The following DENND2A variants were observed in gnomAD, a reference collection of about 807,000 sequenced individuals.
The protein encoded by DENND2A is DENN domain-containing protein 2A.
In DENND2A, 53 loss-of-function variants were observed where a neutral mutation model predicts 105.3. That is an observed-to-expected ratio of 0.50 (90% CI 0.40 to 0.63). The LOEUF (loss-of-function observed/expected upper bound fraction) is 0.63, where lower values mean the gene tolerates loss of function less well. Among genes scored for constraint, DENND2A ranks in the 30% least tolerant of loss-of-function variants. The probability of loss-of-function intolerance (pLI) is 0.00; values close to 1 mark genes in which losing one functional copy is unlikely to be tolerated. For synonymous variants in DENND2A, 522 were observed against 508.4 expected, an observed-to-expected ratio of 1.03 and a Z score of -0.36; for missense variants, 1,138 against 1,279.6, an observed-to-expected ratio of 0.89 and a Z score of 1.69.
chr7:140,606,048 T>G (rs1259011470), intron 1 of DENND2A, among the ~76,000 whole-genome samples: 1 of 152,174 alleles, frequency 6.6e-6, no homozygotes, highest in Non-Finnish European at 1.5e-5. Context: ...TTTTGTTCAT[T>G]TGTTTTTTTT....
At position 140,606,676 on chromosome 7, in the gene DENND2A, T is replaced by A. The variant is rs541635645; in HGVS notation, c.-247-870A>T. ...AAACTGAGGAGGAAGAAACAGCCAG[T>A]CACGAGGTCATCTGTCTGGTCTAAG... On this transcript the variant is annotated intron_variant, in intron 1 of 19. Transcript: ENST00000496613. Among the ~76,000 whole-genome samples, 4 of 152,212 alleles carry A rather than the reference T, an allele frequency of 2.6e-5. No individual in the cohort carries two copies. The South Asian group carries it at 8.3e-4, about 32-fold the overall frequency.
chr7:140,529,848 C>T (rs945478676), intron 14 of DENND2A, among the ~76,000 whole-genome samples: 8 of 151,924 alleles, frequency 5.3e-5, no homozygotes, highest in African/African-American at 1.7e-4. Flanking sequence ...ATGTAAATGA[C>T]GAGTTAATGG....
In DENND2A at chr7:140,546,788, TG is replaced by T; in HGVS notation, c.2178+10del. On this transcript the variant is annotated intron_variant, in intron 13 of 19. Coordinates refer to ENST00000496613, the MANE Select transcript of DENND2A (RefSeq NM_015689.5). ...CCTCCCCAGGGAGAAGGAAGGAGTC[TG>T]ACAACTCACCTCAGTTCCTGAACCT... 1 of 1,613,798 alleles carries T rather than the reference TG, an allele frequency of 6.2e-7. No homozygotes were observed. Among genetic ancestry groups the T allele is most frequent in the Non-Finnish European group, 8.5e-7 (1 of 1,179,846 alleles).
intron 3 of DENND2A, among the ~76,000 whole-genome samples, chr7:140,596,814 T>C (rs1342548649): frequency 6.6e-6 from 1 of 152,216 alleles, no homozygotes; most frequent in East Asian, 1.9e-4. Flanking sequence ...TACATGTGAA[T>C]TCAGGATGGT....
At chr7:140,557,532 T>TATATATATATATATATATATATA (rs71173208) in intron 11 of DENND2A, among the ~76,000 whole-genome samples, 1 of 14,290 alleles carries the variant, frequency 7.0e-5, no homozygotes, top group African/African-American at 1.8e-4. Flanking sequence ...TATATATATA[T>TATATATATATATATATATATATA]TTTTTTTTTT....
intron 8 of DENND2A, 27 bp from the exon 9 acceptor site, chr7:140,567,300 G>A (rs754484704): frequency 5.0e-6 from 5 of 1,005,292 alleles, no homozygotes. Flanking sequence ...GAGAGAAAGA[G>A]AGAAAGAGAG....
At chr7:140,522,139 G>A (rs1402702703) in intron 17 of DENND2A, 39 bp from the exon 18 acceptor site, 2 of 1,610,662 alleles carry the variant, frequency 1.2e-6, no homozygotes, top group Non-Finnish European at 1.7e-6. Context: ...GGTGAGGGCA[G>A]ACAGGCTGGG....
chr7:140,544,595 G>A (rs372556060), intron 14 of DENND2A, 23 bp downstream of exon 14: 1 of 1,614,084 alleles, frequency 6.2e-7, no homozygotes, highest in South Asian at 1.1e-5. Context: ...AAACGCTTTA[G>A]CAGAAGTAGC....
chr7:140,602,530 T>G lies in DENND2A; in HGVS notation c.-133A>C, dbSNP rs1180261959. Reference sequence around the variant, plus strand: ...GAGGGTCTTTCTCAGTCCTTGGACCTTCCACCTTGACCCTGCACAAGAAAG... The same window carrying G: ...GAGGGTCTTTCTCAGTCCTTGGACCGTCCACCTTGACCCTGCACAAGAAAG... On this transcript the variant is annotated 5_prime_UTR_variant, in exon 3 of 20. Coordinates refer to ENST00000496613, the MANE Select transcript of DENND2A (RefSeq NM_015689.5). The G allele has an allele frequency of 1.3e-4, 115 of 911,692 alleles. No individual in the cohort carries two copies. Among genetic ancestry groups the G allele is most frequent in the Non-Finnish European group, 1.7e-4 (107 of 646,808 alleles). The allele number at this position is 911,692 out of a possible 1,614,324, so 56.5% of individuals were successfully genotyped here.
rs1795885502 is a variant in DENND2A at position 140,522,188 on chromosome 7, C to T, written c.2666-88G>A. ...GACAAGCCAATTGGTAATCAAAGAA[C>T]AGTAACTGCTAGTTCCCTTGATGGA... is the stretch of plus-strand genomic sequence containing the variant. On this transcript the variant is annotated intron_variant, in intron 17 of 19. Coordinates refer to ENST00000496613, the MANE Select transcript of DENND2A (RefSeq NM_015689.5). The T allele has an allele frequency of 8.5e-6, 13 of 1,523,318 alleles. No homozygotes were observed. In the Admixed American group the frequency reaches 1.9e-4, roughly 23 times the overall value. The allele number at this position is 1,523,318 out of a possible 1,614,324, so 94.4% of individuals were successfully genotyped here.
intron 1 of DENND2A, among the ~76,000 whole-genome samples, chr7:140,610,290 G>GAAAAAAA (rs576801972): frequency 3.0e-5 from 3 of 100,278 alleles, no homozygotes; most frequent in Non-Finnish European, 4.4e-5. Flanking sequence ...TAGTCTTAAG[G>GAAAAAAA]AAAAAAAAAA....
intron 1 of DENND2A, among the ~76,000 whole-genome samples, chr7:140,617,485 G>T (rs1468616354): frequency 6.6e-6 from 1 of 152,158 alleles, no homozygotes; most frequent in Non-Finnish European, 1.5e-5. Context: ...AGCACTTTGG[G>T]AGGCCGAGGC....
In DENND2A at chr7:140,601,433, G is replaced by A; in HGVS notation, c.965C>T (p.Thr322Ile). ...GTCTGCACTGGATTTCTGTCTCCCG[G>A]TCCACAGTCTTCTGTTCACAGAGGA... ...PPSSVNRRLWTGRQKSSADHR... is the reference protein window; with the variant it reads ...PPSSVNRRLWIGRQKSSADHR... The change falls in exon 3 of 20, where the codon ACC becomes ATC. Residue 322 changes from threonine to isoleucine, a missense_variant. Thr to Ile is a moderately conservative substitution (Grantham distance 89, BLOSUM62 -1). Coordinates refer to ENST00000496613, the MANE Select transcript of DENND2A (RefSeq NM_015689.5). 6.2e-7 allele frequency: 1 copy of A among 1,609,368 alleles called. No homozygotes were observed. Among genetic ancestry groups the A allele is most frequent in the Non-Finnish European group, 8.5e-7 (1 of 1,178,034 alleles).
At chr7:140,532,067 A>C (rs528290951) in intron 14 of DENND2A, among the ~76,000 whole-genome samples, 47 of 152,246 alleles carry the variant, frequency 3.1e-4, no homozygotes, top group African/African-American at 1.0e-3. Context: ...GTTCGAGATC[A>C]GCCTGGCCAA....
intron 5 of DENND2A, among the ~76,000 whole-genome samples, chr7:140,577,144 G>A (rs1798333504): frequency 6.6e-6 from 1 of 152,162 alleles, no homozygotes; most frequent in Admixed American, 6.5e-5. Context: ...TTCATGATGC[G>A]GTGGGATTTC....
chr7:140,585,151 T>C (rs938114380), intron 5 of DENND2A, among the ~76,000 whole-genome samples: 1 of 152,152 alleles, frequency 6.6e-6, no homozygotes, highest in African/African-American at 2.4e-5. Flanking sequence ...TGCGCCGTGA[T>C]TGCACCACTG....
rs3042407 is a variant in DENND2A, at chr7:140,534,081, ATTTTTTTTTT to A, written c.2328-6596_2328-6587del. 2.5e-5 allele frequency among the ~76,000 whole-genome samples: 2 copies of A among 80,106 alleles called. 1 individual carries two copies. The highest frequency in any genetic ancestry group is 4.6e-5 in the Non-Finnish European group (2 of 43,312). 52.6% of individuals were successfully genotyped at this position (80,106 alleles called of 152,430 possible). A position where few individuals can be genotyped will look rare whatever the true frequency, so the allele number is the denominator to read the frequency against. ...GGCACGTGCCACCAATGCCTGGTTA[ATTTTTTTTTT>A]TTTTTTTTTTTGAGATGGAGTCTTG... On this transcript the variant is annotated intron_variant, in intron 14 of 19. Transcript: ENST00000496613.
chr7:140,618,481 TGA>T (rs1351401384), intron 1 of DENND2A, among the ~76,000 whole-genome samples: 7 of 152,212 alleles, frequency 4.6e-5, no homozygotes, highest in African/African-American at 9.7e-5. Context: ...CATTTTTTTG[TGA>T]TGAAGAAATT....
intron 2 of DENND2A, among the ~76,000 whole-genome samples, chr7:140,603,754 A>T (rs1273255363): frequency 1.3e-5 from 2 of 152,346 alleles, no homozygotes; most frequent in Admixed American, 1.3e-4. Context: ...ACACGTGACT[A>T]TTTAACCTTA....
Sources: gnomAD v4.1 joint callset for allele counts (sites outside exome capture counted in the v4.1 genomes callset) on GRCh38, gnomAD v4.1.1 for gene constraint, MANE v1.5 for transcripts, NCBI Gene and HGNC (gene_info 2026-07-23, HGNC 2026-07-21) for gene names.